The following CEP104 variants were observed in gnomAD, a reference collection of about 807,000 sequenced individuals.
The protein encoded by CEP104 is centrosomal protein 104.
A neutral mutation model predicts 113.3 loss-of-function variants in CEP104; 84 were observed. That is an observed-to-expected ratio of 0.74 (90% CI 0.62 to 0.89). CEP104 has a LOEUF of 0.89. CEP104 is among the 40% of genes least tolerant of loss of function. The pLI is 0.00. For missense variants in CEP104, 1,053 were observed against 1,156.6 expected, an observed-to-expected ratio of 0.91 and a Z score of 1.30; for synonymous variants, 378 against 421.7, an observed-to-expected ratio of 0.90 and a Z score of 1.27.
chr1:3,846,741 G>T (rs948802901), intron 4 of CEP104, among the ~76,000 whole-genome samples: 1 of 152,164 alleles, frequency 6.6e-6, no homozygotes, highest in Non-Finnish European at 1.5e-5. Flanking sequence ...CAGCTCACCC[G>T]CTTGGTCTAG....
At chr1:3,854,736 C>A (rs952997743) in intron 1 of CEP104, among the ~76,000 whole-genome samples, 1 of 151,332 alleles carries the variant, frequency 6.6e-6, no homozygotes, top group Non-Finnish European at 1.5e-5. Flanking sequence ...GCCTTGGCCT[C>A]CCAAAGTGCT....
chr1:3,822,905 C>G (rs1470032899), intron 20 of CEP104: 1 of 428,270 alleles, frequency 2.3e-6, no homozygotes, highest in African/African-American at 2.0e-5. Flanking sequence ...AAAACCATTT[C>G]ATGCTGTATC....
Position 3,839,787 on chromosome 1 carries a change from G to T in CEP104, c.567-11C>A. ...ATATAGTCAGATTTCCTAAAGGGAAGAAATGCATATTTTAGAGATAATTTC... is the reference window on the plus strand; with the variant it reads ...ATATAGTCAGATTTCCTAAAGGGAATAAATGCATATTTTAGAGATAATTTC... On this transcript the variant is annotated splice_polypyrimidine_tract_variant and intron_variant, in intron 6 of 21. Transcript: ENST00000378230. 1 of 1,604,608 alleles carries T rather than the reference G, an allele frequency of 6.2e-7. No individual in the cohort carries two copies.
At chr1:3,835,795 A>C (rs1162448829) in intron 10 of CEP104, among the ~76,000 whole-genome samples, 1 of 152,200 alleles carries the variant, frequency 6.6e-6, no homozygotes, top group Non-Finnish European at 1.5e-5. Context: ...CCAGAAGGAA[A>C]CACCCAGGCT....
rs199722359 is a variant in CEP104 at position 3,829,956 on chromosome 1, G to C, written c.1878C>G (p.Arg626=). 3.7e-6 allele frequency: 6 copies of C among 1,614,142 alleles called. No homozygotes were observed. The African/African-American group carries it at 8.0e-5, about 22-fold the overall frequency. Residue 626 remains arginine, a synonymous_variant, in exon 14 of 22, where the codon CGC becomes CGG. Coordinates refer to ENST00000378230, the MANE Select transcript of CEP104 (RefSeq NM_014704.4). ...SALEHRVYEV[R]ETAVRIILDM... ...CCAAAATAATTCGAACCGCCGTCTCGCGGACCTCATACACTCTATGCTCCA... is the reference window on the plus strand; with the variant it reads ...CCAAAATAATTCGAACCGCCGTCTCCCGGACCTCATACACTCTATGCTCCA...
intron 12 of CEP104, among the ~76,000 whole-genome samples, chr1:3,832,289 TGTAA>T (rs1644224245): frequency 1.7e-5 from 2 of 114,926 alleles, no homozygotes; most frequent in African/African-American, 7.4e-5. Flanking sequence ...AGGAGTGTAT[TGTAA>T]CCAGGAGTGT....
At chr1:3,846,157 A>T (rs4534323) in intron 4 of CEP104, among the ~76,000 whole-genome samples, 136,836 of 151,194 alleles carry the variant, frequency 0.91, 62,603 homozygotes, top group Middle Eastern at 0.97. Flanking sequence ...CATAGCCTCA[A>T]AATGAGACAT....
intron 15 of CEP104, among the ~76,000 whole-genome samples, chr1:3,828,788 A>T (rs1644142858): frequency 6.6e-6 from 1 of 152,228 alleles, no homozygotes; most frequent in Non-Finnish European, 1.5e-5. Context: ...GAGGCTGAAG[A>T]GGAACACATT....
chr1:3,833,948 A>G lies in CEP104; in HGVS notation c.1573T>C (p.Cys525Arg). 6.2e-7 allele frequency: 1 copy of G among 1,614,140 alleles called. No homozygotes were observed. Among genetic ancestry groups the G allele is most frequent in the African/African-American group, 1.3e-5 (1 of 75,070 alleles). The change falls in exon 12 of 22, where the codon TGT becomes CGT. Residue 525 changes from cysteine to arginine, a missense_variant. Transcript: ENST00000378230. ...AAAACGGGAATGGTCCTCTCCACAC[A>G]GTGAGCTGTTTCAAGTTTACTCAGT... ...HKLSKLETAH[C>R]VERTIPVLLT... is the part of the protein sequence containing the mutation.
chr1:3,847,703 T>C (rs1306057173), intron 3 of CEP104, 90 bp from the exon 4 acceptor site: 7 of 1,339,160 alleles, frequency 5.2e-6, no homozygotes, highest in African/African-American at 1.5e-5. Flanking sequence ...GGCTCATTTA[T>C]GTTTATTGTT....
chr1:3,855,744 C>A (rs1376837421), intron 1 of CEP104: 4 of 246,584 alleles, frequency 1.6e-5, no homozygotes, highest in Non-Finnish European at 2.6e-5. Flanking sequence ...TGTAAACCTT[C>A]AAGTGTTACA....
intron 1 of CEP104, among the ~76,000 whole-genome samples, chr1:3,856,299 T>C (rs992426012): frequency 2.6e-5 from 4 of 152,116 alleles, no homozygotes; most frequent in Non-Finnish European, 5.9e-5. Flanking sequence ...GGAGAATCGC[T>C]TGAACCCGGG....
At chr1:3,845,432 G>C (rs1570838418) in intron 4 of CEP104, 81 bp from the exon 5 acceptor site, 1 of 1,096,702 alleles carries the variant, frequency 9.1e-7, no homozygotes, top group Non-Finnish European at 1.4e-6. Context: ...TTTTGAGACA[G>C]GGTCTCGTCT....
intron 15 of CEP104, among the ~76,000 whole-genome samples, chr1:3,828,568 C>T (rs80147233): frequency 0.025 from 3,861 of 152,244 alleles, 75 homozygotes; most frequent in East Asian, 0.1. Flanking sequence ...GCTCTGCGTG[C>T]ACTGTGCAGC....
chr1:3,822,964 A>G (rs1183280767), intron 20 of CEP104: 1 of 593,158 alleles, frequency 1.7e-6, no homozygotes, highest in Admixed American at 2.8e-5. Context: ...TCGATAAACC[A>G]TTCATAAATG....
chr1:3,838,356 G>T (rs1490176070), intron 8 of CEP104, among the ~76,000 whole-genome samples: 22 of 152,144 alleles, frequency 1.4e-4, no homozygotes, highest in Non-Finnish European at 1.5e-5. Context: ...TCTCTATGTT[G>T]CCCAGGCTGG....
intron 6 of CEP104, chr1:3,843,375 A>ACT (rs1391925796): frequency 8.3e-4 from 362 of 435,924 alleles, no homozygotes; most frequent in East Asian, 4.4e-3. Context: ...AAATATGTAT[A>ACT]ATTTTTTTTT....
chr1:3,840,293 A>G (rs189642136), intron 6 of CEP104, among the ~76,000 whole-genome samples: 62 of 151,784 alleles, frequency 4.1e-4, no homozygotes, highest in African/African-American at 1.2e-3. Flanking sequence ...CTGGAGTGCA[A>G]TGGCGCAATC....
Position 3,823,643 on chromosome 1 carries a change from C to A in CEP104, c.2365-81G>T. On this transcript the variant is annotated intron_variant, in intron 18 of 21. Coordinates refer to ENST00000378230, the MANE Select transcript of CEP104 (RefSeq NM_014704.4). The surrounding 1 kb of genome is among the most constrained non-coding windows in gnomAD (Gnocchi z 4.1). ...AGCCAGCCTGCAGAGCCTGTGAGCG[C>A]CTCCCCTGCCCAGGGAGGTCTGTGC... The A allele has an allele frequency of 6.4e-7, 1 of 1,569,662 alleles. No individual in the cohort carries two copies. Among genetic ancestry groups the A allele is most frequent in the Non-Finnish European group, 8.7e-7 (1 of 1,147,388 alleles).
Sources: allele counts gnomAD v4.1 joint callset (sites outside exome capture counted in the v4.1 genomes callset), GRCh38; gene constraint gnomAD v4.1.1; non-coding constraint Gnocchi (gnomAD v3.1); transcripts MANE v1.5; gene names NCBI Gene and HGNC (gene_info 2026-07-23, HGNC 2026-07-21).